The following FABP12 variants were observed in gnomAD, a reference collection of about 807,000 sequenced individuals.
FABP12 encodes fatty acid-binding protein 12.
Under a neutral mutation model 13.7 loss-of-function variants are expected in FABP12, and 19 were observed. That is an observed-to-expected ratio of 1.39 (90% confidence interval 0.97 to 2.04). FABP12 has a LOEUF of 2.04. FABP12 is among the 30% of genes most tolerant of loss of function. The pLI is 0.00. For synonymous variants in FABP12, 61 were observed against 57.0 expected, an observed-to-expected ratio of 1.07 and a Z score of -0.32; for missense variants, 182 against 164.2, an observed-to-expected ratio of 1.11 and a Z score of -0.59.
At chr8:81,562,913 C>A (rs1433191151) in intron 1 of FABP12, among the ~76,000 whole-genome samples, 1 of 152,190 alleles carries the variant, frequency 6.6e-6, no homozygotes, top group Non-Finnish European at 1.5e-5. Context: ...AGTCCTGGGG[C>A]CTTCAGCCTT....
chr8:81,528,687 G>A (rs1808974708), intron 3 of FABP12, among the ~76,000 whole-genome samples: 1 of 151,996 alleles, frequency 6.6e-6, no homozygotes, highest in African/African-American at 2.4e-5. Flanking sequence ...TCTGGTGTAG[G>A]GAAAAAGACT....
intron 1 of FABP12, among the ~76,000 whole-genome samples, chr8:81,549,258 C>T (rs902454808): frequency 4.0e-5 from 6 of 151,748 alleles, no homozygotes; most frequent in South Asian, 2.1e-4. Context: ...CACACATGCA[C>T]GTACACACCC....
intron 1 of FABP12, among the ~76,000 whole-genome samples, chr8:81,589,666 A>G (rs1334603606): frequency 6.6e-6 from 1 of 152,188 alleles, no homozygotes; most frequent in Non-Finnish European, 1.5e-5. Context: ...ACCAAAACTT[A>G]TGAAGATTCT....
At chr8:81,552,284 G>A (rs972796326) in intron 1 of FABP12, among the ~76,000 whole-genome samples, 7 of 152,200 alleles carry the variant, frequency 4.6e-5, no homozygotes, top group Non-Finnish European at 1.0e-4. Context: ...AACAGAGCAA[G>A]GTCCTTTAGG....
At chr8:81,555,322 G>GA (rs1363097794) in intron 1 of FABP12, among the ~76,000 whole-genome samples, 2 of 152,154 alleles carry the variant, frequency 1.3e-5, no homozygotes, top group African/African-American at 4.8e-5. Flanking sequence ...TATGTACAGA[G>GA]AAAAATAGAC....
intron 3 of FABP12, 69 bp downstream of exon 3, chr8:81,529,369 T>C (rs759454105): frequency 6.8e-7 from 1 of 1,481,430 alleles, no homozygotes; most frequent in Non-Finnish European, 9.4e-7. Context: ...TAGAATTGCT[T>C]ACTTACCGAG....
intron 1 of FABP12, among the ~76,000 whole-genome samples, chr8:81,583,831 A>T (rs73281034): frequency 0.021 from 3,167 of 152,276 alleles, 95 homozygotes; most frequent in African/African-American, 0.072. Context: ...ATGCTCCCTG[A>T]CTCATTATAT....
intron 1 of FABP12, among the ~76,000 whole-genome samples, chr8:81,578,822 A>AATTTCTTTTT (rs1176379099): frequency 1.5e-4 from 2 of 13,290 alleles, no homozygotes; most frequent in African/African-American, 5.3e-4. Context: ...CATTTGTTCA[A>AATTTCTTTTT]GTTTTTTTTT....
intron 1 of FABP12, among the ~76,000 whole-genome samples, chr8:81,577,925 T>C (rs1256939381): frequency 1.3e-5 from 2 of 152,262 alleles, no homozygotes; most frequent in African/African-American, 2.4e-5. Context: ...GTCAGAATCA[T>C]AGTCCTGGAT....
At chr8:81,540,092 T>G (rs943053693) in intron 1 of FABP12, among the ~76,000 whole-genome samples, 2 of 152,212 alleles carry the variant, frequency 1.3e-5, no homozygotes, top group African/African-American at 4.8e-5. Flanking sequence ...GCTCAGCAAC[T>G]AAGGACAAAT....
At chr8:81,586,561 T>C (rs551561921) in intron 1 of FABP12, among the ~76,000 whole-genome samples, 3 of 152,346 alleles carry the variant, frequency 2.0e-5, no homozygotes, top group Admixed American at 2.0e-4. Flanking sequence ...AGTATCTCAC[T>C]GTGGTTGTGA....
chr8:81,524,994 T>C (rs1200871826), exon 5 of FABP12: 1 of 1,195,124 alleles, frequency 8.4e-7, no homozygotes, highest in African/African-American at 1.5e-5. Context: ...TATTTTACTT[T>C]GGAGTTTTAT....
intron 1 of FABP12, among the ~76,000 whole-genome samples, chr8:81,561,657 G>A (rs994216833): frequency 2.6e-5 from 4 of 152,176 alleles, no homozygotes; most frequent in Non-Finnish European, 5.9e-5. Flanking sequence ...CACGGTGATT[G>A]TGGGACTTTG....
upstream of FABP12, among the ~76,000 whole-genome samples, chr8:81,535,548 A>T (rs1188307746): frequency 6.6e-6 from 1 of 152,156 alleles, no homozygotes; most frequent in Non-Finnish European, 1.5e-5. Flanking sequence ...ACCTACTGAG[A>T]CCTAGACTTT....
At chr8:81,534,659 G>C (rs970534645), upstream of FABP12, among the ~76,000 whole-genome samples, 2 of 152,146 alleles carry the variant, frequency 1.3e-5, no homozygotes, top group Admixed American at 6.5e-5. Flanking sequence ...ATAGCCACAG[G>C]ACTATGTAAC....
chr8:81,589,437 C>A (rs1009218667), intron 1 of FABP12, among the ~76,000 whole-genome samples: 1 of 152,000 alleles, frequency 6.6e-6, no homozygotes, highest in Non-Finnish European at 1.5e-5. Context: ...CAACATCTCT[C>A]CAGCTGACAA....
At chr8:81,542,419 C>T (rs1809366355) in intron 1 of FABP12, among the ~76,000 whole-genome samples, 1 of 152,068 alleles carries the variant, frequency 6.6e-6, no homozygotes, top group African/African-American at 2.4e-5. Flanking sequence ...GACCATGGCA[C>T]AGGGATTTTT....
intron 1 of FABP12, among the ~76,000 whole-genome samples, chr8:81,582,126 T>C (rs1055864048): frequency 1.5e-5 from 2 of 130,678 alleles, no homozygotes; most frequent in African/African-American, 6.7e-5. Context: ...GAATTTTTTT[T>C]TTTTTTTTTT....
At chr8:81,529,601 C>G (rs762680373) in exon 3 of FABP12, 1 of 1,612,344 alleles carries the variant, frequency 6.2e-7, no homozygotes, top group South Asian at 1.1e-5. Context: ...CCTGCTGGCT[C>G]TTCCTATACC....
Sources: gnomAD v4.1 joint callset for allele counts (sites outside exome capture counted in the v4.1 genomes callset) on GRCh38, gnomAD v4.1.1 for gene constraint, MANE v1.5 for transcripts, NCBI Gene and HGNC (gene_info 2026-07-23, HGNC 2026-07-21) for gene names.